The following GPHN variants were observed in gnomAD, a reference collection of about 807,000 sequenced individuals.
The protein encoded by GPHN is gephyrin.
Under a neutral mutation model 95.5 loss-of-function variants are expected in GPHN, and 17 were observed. That is an observed-to-expected ratio of 0.18 (90% confidence interval 0.12 to 0.27). GPHN has a LOEUF of 0.27. Ranked by LOEUF, GPHN falls within the 10% of genes least tolerant of loss-of-function variation. The probability of loss-of-function intolerance (pLI) is 1.00; values close to 1 mark genes in which losing one functional copy is unlikely to be tolerated. For missense variants in GPHN, 660 were observed against 978.1 expected (o/e 0.67, Z 4.34); for synonymous variants, 320 against 322.5 (o/e 0.99, Z 0.08).
chr14:66,545,564 C>T (rs2059540638), intron 1 of GPHN, among the ~76,000 whole-genome samples: 2 of 104,024 alleles, frequency 1.9e-5, no homozygotes, highest in African/African-American at 1.3e-4. Flanking sequence ...GGGGGGCTGA[C>T]CCCCCCACCT....
chr14:66,566,550 T>A (rs1182001098), intron 1 of GPHN, among the ~76,000 whole-genome samples: 1 of 152,208 alleles, frequency 6.6e-6, no homozygotes, highest in Non-Finnish European at 1.5e-5. Flanking sequence ...CCCTACACCA[T>A]GTTGACTTAC....
intron 1 of GPHN, among the ~76,000 whole-genome samples, chr14:66,599,392 A>ATTTCTTT (rs1555357374): frequency 3.9e-5 from 3 of 76,522 alleles, no homozygotes; most frequent in African/African-American, 2.2e-4. Context: ...TTTTTTTTGC[A>ATTTCTTT]TTTTTTTTTT....
chr14:67,263,975 A>G, the GPHN span, among the ~76,000 whole-genome samples: 1 of 152,120 alleles, frequency 6.6e-6, no homozygotes, highest in African/African-American at 2.4e-5. Flanking sequence ...TAGCCCCACT[A>G]TAGCCGTGAA....
At chr14:66,807,401 T>A (rs58701283) in intron 3 of GPHN, among the ~76,000 whole-genome samples, 3,286 of 152,302 alleles carry the variant, frequency 0.022, 128 homozygotes, top group African/African-American at 0.074. Context: ...CACAGTTAAA[T>A]GACTTGCTAA....
At chr14:67,031,454 A>G (rs970527025) in intron 10 of GPHN, among the ~76,000 whole-genome samples, 3 of 152,158 alleles carry the variant, frequency 2.0e-5, no homozygotes, top group African/African-American at 7.2e-5. Flanking sequence ...TTATATAACT[A>G]AGGATAATTA....
intron 9 of GPHN, among the ~76,000 whole-genome samples, chr14:67,007,653 C>T (rs1206370401): frequency 1.3e-5 from 2 of 152,192 alleles, no homozygotes; most frequent in East Asian, 3.8e-4. Context: ...TTCTAAAGTG[C>T]TCTTGTGCAT....
At chr14:66,681,806 T>C (rs1414684587) in intron 2 of GPHN, among the ~76,000 whole-genome samples, 1 of 152,128 alleles carries the variant, frequency 6.6e-6, no homozygotes, top group African/African-American at 2.4e-5. Flanking sequence ...TAAATATGCA[T>C]ACTATCTATG....
intron 1 of GPHN, among the ~76,000 whole-genome samples, chr14:66,589,878 A>G (rs1172012032): frequency 6.6e-6 from 1 of 152,218 alleles, no homozygotes; most frequent in Non-Finnish European, 1.5e-5. Context: ...CAGAATATAC[A>G]TTCTTCTCAG....
At chr14:67,248,966 C>T in the GPHN span, among the ~76,000 whole-genome samples, 2 of 151,516 alleles carry the variant, frequency 1.3e-5, no homozygotes, top group African/African-American at 2.4e-5. Context: ...GGCCTACATA[C>T]CAATTTTTTT....
At position 66,560,067 on chromosome 14, in the gene GPHN, T is replaced by G. The variant is rs545819796; in HGVS notation, c.64+51476T>G. 5.9e-5 allele frequency among the ~76,000 whole-genome samples: 9 copies of G among 152,260 alleles called. No homozygotes were observed. The South Asian group carries it at 1.9e-3, about 32-fold the overall frequency. On this transcript the variant is annotated intron_variant, in intron 1 of 22. Coordinates refer to ENST00000478722, the MANE Select transcript of GPHN (RefSeq NM_020806.5). Reference sequence around the variant, plus strand: ...ATAGTTGTAGATATGCGGCGTTATTTCTGAGGGCTCCGTTCTGTTCCATTG... The same window carrying G: ...ATAGTTGTAGATATGCGGCGTTATTGCTGAGGGCTCCGTTCTGTTCCATTG...
chr14:67,710,786 A>C, the GPHN span, among the ~76,000 whole-genome samples: 1 of 151,988 alleles, frequency 6.6e-6, no homozygotes, highest in Non-Finnish European at 1.5e-5. Context: ...ATACCCAAAT[A>C]ATGAAATATC....
In GPHN at chr14:66,773,852, G is replaced by A. The variant is rs1258948955; in HGVS notation, c.144-2612G>A. Among the ~76,000 whole-genome samples the A allele has an allele frequency of 6.6e-5, 10 of 152,076 alleles. No homozygotes were observed. The South Asian group carries it at 1.2e-3, about 19-fold the overall frequency. Reference sequence around the variant, plus strand: ...TTCCAGAAGTGCTGGGATTATTGGCGTGAGCCAGTGAACCTAGCCCTGAAG... The same window carrying A: ...TTCCAGAAGTGCTGGGATTATTGGCATGAGCCAGTGAACCTAGCCCTGAAG... On this transcript the variant is annotated intron_variant, in intron 2 of 22. Coordinates refer to ENST00000478722, the MANE Select transcript of GPHN (RefSeq NM_020806.5).
the GPHN span, among the ~76,000 whole-genome samples, chr14:67,443,233 G>T: frequency 1.2e-3 from 172 of 146,264 alleles, no homozygotes; most frequent in African/African-American, 4.1e-3. Flanking sequence ...AAGAAAGAAA[G>T]AAAAAAAAAA....
At chr14:67,383,914 C>G in the GPHN span, 3 of 191,390 alleles carry the variant, frequency 1.6e-5, no homozygotes, top group African/African-American at 7.2e-5. Flanking sequence ...TACTAAGACC[C>G]TAATTCTTTT....
At chr14:66,962,331 G>GTTTTTTT (rs540551730) in intron 8 of GPHN, among the ~76,000 whole-genome samples, 1 of 148,302 alleles carries the variant, frequency 6.7e-6, no homozygotes, top group Non-Finnish European at 1.5e-5. Flanking sequence ...AGCATAGGCA[G>GTTTTTTT]TTTTTGTTTT....
chr14:66,708,939 T>G (rs2069353494), intron 2 of GPHN, among the ~76,000 whole-genome samples: 1 of 152,114 alleles, frequency 6.6e-6, no homozygotes, highest in Non-Finnish European at 1.5e-5. Flanking sequence ...TGTGAAGAAC[T>G]CTTAATAGTC....
At chr14:66,844,909 A>G (rs1420388925) in intron 4 of GPHN, among the ~76,000 whole-genome samples, 1 of 152,042 alleles carries the variant, frequency 6.6e-6, no homozygotes, top group East Asian at 1.9e-4. Context: ...CTGGTAAACT[A>G]TAATCTACTT....
chr14:67,039,816 C>T (rs1023946243), intron 10 of GPHN, among the ~76,000 whole-genome samples: 2 of 152,126 alleles, frequency 1.3e-5, no homozygotes, highest in African/African-American at 4.8e-5. Flanking sequence ...ACCTCACTCA[C>T]TGTGTTTAAC....
At chr14:66,988,754 A>T (rs1167934688) in intron 9 of GPHN, among the ~76,000 whole-genome samples, 1 of 152,036 alleles carries the variant, frequency 6.6e-6, no homozygotes, top group Non-Finnish European at 1.5e-5. Flanking sequence ...GATAGTTCAG[A>T]CTATCAAGAT....
Sources: gnomAD v4.1 joint callset for allele counts (sites outside exome capture counted in the v4.1 genomes callset) on GRCh38, gnomAD v4.1.1 for gene constraint, MANE v1.5 for transcripts, NCBI Gene and HGNC (gene_info 2026-07-23, HGNC 2026-07-21) for gene names.